Variants in CLDN10 observed in about 807,000 individuals in gnomAD.
The protein encoded by CLDN10 is claudin-10.
Under a neutral mutation model 22.9 loss-of-function variants are expected in CLDN10, and 15 were observed. That is an observed-to-expected ratio of 0.65 (90% CI 0.44 to 1.01). The LOEUF is 1.01. CLDN10 is among the 50% of genes least tolerant of loss of function. The probability of loss-of-function intolerance (pLI) is 0.00; values close to 1 mark genes in which losing one functional copy is unlikely to be tolerated. For synonymous variants in CLDN10, 114 were observed against 111.4 expected (o/e 1.02, Z -0.15); for missense variants, 247 against 287.8 (o/e 0.86, Z 1.03).
rs58919737 is a variant in CLDN10 at position 95,488,950 on chromosome 13, CTTT to C, written c.214+54921_214+54923del. 4.3e-3 allele frequency among the ~76,000 whole-genome samples: 475 copies of C among 110,724 alleles called. 3 individuals are homozygous for C. Among genetic ancestry groups the C allele is most frequent in the South Asian group, 0.018 (58 of 3,270 alleles). The allele number at this position is 110,724 out of a possible 152,430, so 72.6% of individuals were successfully genotyped here. On this transcript the variant is annotated intron_variant, in intron 1 of 4. Coordinates refer to the CLDN10 transcript ENST00000376873. ...TCAAATCATAGTTCTACTTTTTGTT[CTTT>C]TTTTTTTTTTTTTTTTTGAAACGGA... is the stretch of plus-strand genomic sequence containing the variant.
At chr13:95,560,980 C>A (rs758557116) in intron 3 of CLDN10, 1 of 153,192 alleles carries the variant, frequency 6.5e-6, no homozygotes, top group African/African-American at 2.4e-5. Flanking sequence ...TGTAGGAGCA[C>A]GGCACCTTTA....
At chr13:95,473,094 C>T (rs376524227) in intron 1 of CLDN10, among the ~76,000 whole-genome samples, 2 of 146,342 alleles carry the variant, frequency 1.4e-5, no homozygotes, top group East Asian at 2.0e-4. Context: ...GAGCTACGAT[C>T]GTACCACAGC....
intron 1 of CLDN10, among the ~76,000 whole-genome samples, chr13:95,507,975 C>T (rs2043056249): frequency 6.6e-6 from 1 of 151,892 alleles, no homozygotes; most frequent in Non-Finnish European, 1.5e-5. Flanking sequence ...GTGGTCCCAG[C>T]TACTAGGGAG....
rs377457868 is a variant in CLDN10, at chr13:95,506,751, T to C, written c.215-53381T>C. Among the ~76,000 whole-genome samples the C allele has an allele frequency of 1.7e-3, 261 of 152,316 alleles. 5 individuals carry two copies. The South Asian group carries it at 0.051, about 30-fold the overall frequency. On this transcript the variant is annotated intron_variant, in intron 1 of 4. Transcript: ENST00000376873. ...AGTTGTAGTCTAGGGTCCATCAGCC[T>C]TCTGAGAAGACTAAAATTCTCTTTC...
At chr13:95,481,728 G>A (rs1256710109) in intron 1 of CLDN10, among the ~76,000 whole-genome samples, 1 of 152,152 alleles carries the variant, frequency 6.6e-6, no homozygotes, top group African/African-American at 2.4e-5. Flanking sequence ...ATTTAAAAAT[G>A]TAAAAACTCG....
chr13:95,433,988 C>A, exon 1 of CLDN10: 2 of 1,614,214 alleles, frequency 1.2e-6, no homozygotes, highest in Non-Finnish European at 1.7e-6. Context: ...ATGAACTGCG[C>A]AGGTAACGCG....
chr13:95,450,354 C>A (rs532459731), intron 1 of CLDN10, among the ~76,000 whole-genome samples: 4 of 152,320 alleles, frequency 2.6e-5, no homozygotes, highest in Admixed American at 1.3e-4. Context: ...TTGGCATCAC[C>A]TAAAAACCTT....
At chr13:95,498,108 C>A (rs1200886799) in intron 1 of CLDN10, among the ~76,000 whole-genome samples, 1 of 152,182 alleles carries the variant, frequency 6.6e-6, no homozygotes, top group South Asian at 2.1e-4. Context: ...AGTTATGGAT[C>A]AGGTTCTTCC....
At chr13:95,557,963 G>A (rs1198642788) in intron 1 of CLDN10, among the ~76,000 whole-genome samples, 1 of 152,120 alleles carries the variant, frequency 6.6e-6, no homozygotes, top group African/African-American at 2.4e-5. Flanking sequence ...GTAAATTCCC[G>A]ACAACTTGCA....
chr13:95,485,885 T>C (rs12872431), intron 1 of CLDN10, among the ~76,000 whole-genome samples: 89,116 of 152,028 alleles, frequency 0.59, 27,153 homozygotes, highest in African/African-American at 0.76. Flanking sequence ...CTCAGAATAA[T>C]GCTAGAATGT....
intron 1 of CLDN10, among the ~76,000 whole-genome samples, chr13:95,493,987 A>G (rs1038860429): frequency 6.6e-6 from 1 of 152,210 alleles, no homozygotes; most frequent in Admixed American, 6.5e-5. Context: ...GCTCATTCAT[A>G]AATATCTTAC....
intron 4 of CLDN10, among the ~76,000 whole-genome samples, chr13:95,577,551 G>A (rs976971116): frequency 1.3e-5 from 2 of 152,208 alleles, no homozygotes; most frequent in African/African-American, 4.8e-5. Flanking sequence ...TGAATATGAG[G>A]ACATGTTCTT....
intron 1 of CLDN10, among the ~76,000 whole-genome samples, chr13:95,471,975 G>C (rs563037447): frequency 1.5e-5 from 2 of 134,312 alleles, no homozygotes; most frequent in African/African-American, 5.7e-5. Context: ...GGTAGAGATA[G>C]AGTCTGCTTT....
intron 1 of CLDN10, among the ~76,000 whole-genome samples, chr13:95,454,835 G>A (rs1226359165): frequency 6.6e-6 from 1 of 152,150 alleles, no homozygotes; most frequent in Non-Finnish European, 1.5e-5. Context: ...GGGAGGTGTG[G>A]TGCCTATTTC....
chr13:95,520,791 G>A (rs766400339), intron 1 of CLDN10, among the ~76,000 whole-genome samples: 5 of 151,946 alleles, frequency 3.3e-5, no homozygotes. Flanking sequence ...GACCATCCTC[G>A]CCAACATAGT....
At chr13:95,532,695 G>A (rs1234552017) in intron 1 of CLDN10, among the ~76,000 whole-genome samples, 1 of 143,878 alleles carries the variant, frequency 7.0e-6, no homozygotes, top group Non-Finnish European at 1.5e-5. Flanking sequence ...GTTCATAGCA[G>A]CTTTATTTGC....
In CLDN10 at chr13:95,443,326, A is replaced by G. The variant is rs140900669; in HGVS notation, c.214+9279A>G. Among the ~76,000 whole-genome samples the G allele has an allele frequency of 6.9e-3, 1,053 of 152,370 alleles. 6 individuals carry two copies. Among genetic ancestry groups the G allele is most frequent in the Middle Eastern group, 0.017 (5 of 294 alleles). ...TGATGATGTCTAGTTACATGCTTCA[A>G]AAGCTGGTGGGGAAGGTCAAGGAAA... On this transcript the variant is annotated intron_variant, in intron 1 of 4. Coordinates refer to the CLDN10 transcript ENST00000376873.
At chr13:95,492,733 T>C (rs559312229) in intron 1 of CLDN10, among the ~76,000 whole-genome samples, 11 of 152,226 alleles carry the variant, frequency 7.2e-5, no homozygotes, top group African/African-American at 2.6e-4. Flanking sequence ...GAGAATTCCT[T>C]CTCCCTATGG....
At chr13:95,553,297 AC>A (rs1348253514) in intron 1 of CLDN10, among the ~76,000 whole-genome samples, 3 of 149,372 alleles carry the variant, frequency 2.0e-5, no homozygotes, top group African/African-American at 5.0e-5. Context: ...GCCCTCCCCC[AC>A]CCCCCATATC....
Sources: gnomAD v4.1 joint callset for allele counts (sites outside exome capture counted in the v4.1 genomes callset) on GRCh38, gnomAD v4.1.1 for gene constraint, MANE v1.5 for transcripts, NCBI Gene and HGNC (gene_info 2026-07-23, HGNC 2026-07-21) for gene names.